SHH: variants seen among roughly 807,000 people sequenced by gnomAD.
The protein encoded by SHH is sonic hedgehog signaling molecule, also known as sonic hedgehog protein.
SHH carries 3 observed loss-of-function variants against 16.6 expected under a neutral mutation model. The ratio of observed to expected loss-of-function variants is 0.18; its 90% CI spans 0.08 to 0.47. SHH has a LOEUF of 0.47. SHH is among the 20% of genes least tolerant of loss of function. The pLI is 0.98. For synonymous variants in SHH, 351 were observed against 316.2 expected (o/e 1.11, Z -1.17); for missense variants, 499 against 665.0 (o/e 0.75, Z 2.75).
At chr7:155,805,159 G>A (rs890961008) in intron 2 of SHH, among the ~76,000 whole-genome samples, 1 of 151,586 alleles carries the variant, frequency 6.6e-6, no homozygotes, top group Non-Finnish European at 1.5e-5. Flanking sequence ...GGAGACCCCC[G>A]CTAGGGGGAC....
Position 155,803,038 on chromosome 7 carries a change from A to G in SHH, c.1251T>C (p.Ala417=), listed in dbSNP as rs1286430980. 1.9e-6 allele frequency: 3 copies of G among 1,557,684 alleles called. No individual in the cohort carries two copies. The highest frequency in any genetic ancestry group is 2.4e-5 in the South Asian group (2 of 83,620). Residue 417 remains alanine, a synonymous_variant, in exon 3 of 3, where the codon GCT becomes GCC. Coordinates refer to ENST00000297261, the MANE Select transcript of SHH (RefSeq NM_000193.4). ...GGGGGRVALT[A]PGAADAPGAG... is the part of the protein sequence containing the mutation. ...CACCCGGAGCGTCGGCAGCACCTGG[A>G]GCGGTTAGGGCTACTCTGCCGCCGC...
At chr7:155,805,558 T>A (rs1207133075) in intron 2 of SHH, among the ~76,000 whole-genome samples, 1 of 152,202 alleles carries the variant, frequency 6.6e-6, no homozygotes, top group Non-Finnish European at 1.5e-5. Flanking sequence ...GCACACAGCC[T>A]CGGGCCGGAG....
chr7:155,802,990 G>C lies in SHH; in HGVS notation c.1299C>G (p.His433Gln). 2 of 1,559,954 alleles carry C rather than the reference G, an allele frequency of 1.3e-6. No homozygotes were observed. The highest frequency in any genetic ancestry group is 8.7e-7 in the Non-Finnish European group (1 of 1,154,698). The change falls in exon 3 of 3, where the codon CAC (histidine) becomes CAG (glutamine). Residue 433 changes from histidine (H) to glutamine (Q), a missense_variant. Transcript: ENST00000297261. ...APGAGATAGI[H>Q]WYSQLLYQIG... The stretch of plus-strand genomic sequence containing the variant: ...TTTGGTAGAGCAGCTGCGAGTACCA[G>C]TGGATGCCCGCGGTGGCCCCCGCAC...
At chr7:155,805,963 G>T (rs897384617) in intron 2 of SHH, among the ~76,000 whole-genome samples, 2 of 152,238 alleles carry the variant, frequency 1.3e-5, no homozygotes, top group African/African-American at 4.8e-5. Flanking sequence ...GGCTAACCGC[G>T]CAGGGCTGTC....
Position 155,806,244 on chromosome 7 carries a change from G to A in SHH, c.562+52C>T, listed in dbSNP as rs1189108416. On this transcript the variant is annotated intron_variant, in intron 2 of 2. Coordinates refer to ENST00000297261, the MANE Select transcript of SHH (RefSeq NM_000193.4). ...TCTTTTTCTCTTGAATCAAGCCGAG[G>A]TGCGCCAATGGCCTTCCTTGGGTCG... 7.5e-6 allele frequency: 12 copies of A among 1,610,172 alleles called. No homozygotes were observed. In the Admixed American group the frequency reaches 1.5e-4, roughly 20 times the overall value.
In SHH at chr7:155,803,596, G is replaced by T. The variant is rs1221675530; in HGVS notation, c.693C>A (p.Gly231=). The T allele has an allele frequency of 2.5e-6, 4 of 1,598,484 alleles. No individual in the cohort carries two copies. The highest frequency in any genetic ancestry group is 3.4e-6 in the Non-Finnish European group (4 of 1,179,514). The part of the protein sequence containing the change: ...GDRVLAADDQ[G]RLLYSDFLTF... Reference sequence around the variant, plus strand: ...TGAGGAAGTCGCTGTAGAGCAGCCGGCCCTGGTCGTCCGCCGCCAGCACGC... The same window carrying T: ...TGAGGAAGTCGCTGTAGAGCAGCCGTCCCTGGTCGTCCGCCGCCAGCACGC... The change falls in exon 3 of 3, where the codon GGC becomes GGA. Residue 231 remains glycine, a synonymous_variant. Coordinates refer to ENST00000297261, the MANE Select transcript of SHH (RefSeq NM_000193.4).
intron 1 of SHH, among the ~76,000 whole-genome samples, chr7:155,811,197 G>A (rs1415000251): frequency 1.3e-5 from 2 of 152,242 alleles, no homozygotes; most frequent in Non-Finnish European, 2.9e-5. Context: ...CCAGCTCTGC[G>A]ATACAGCCAG....
In SHH at chr7:155,809,105, GC is replaced by G; in HGVS notation, c.301-2549del. The G allele has an allele frequency of 6.6e-6, 1 of 152,386 alleles. No individual in the cohort carries two copies. Among genetic ancestry groups the G allele is most frequent in the Non-Finnish European group, 1.5e-5 (1 of 68,198 alleles). The allele number at this position is 152,386 out of a possible 1,614,324, so 9.4% of individuals were successfully genotyped here. On this transcript the variant is annotated intron_variant, in intron 1 of 2. Coordinates refer to ENST00000297261, the MANE Select transcript of SHH (RefSeq NM_000193.4). The surrounding 1 kb of genome is among the most constrained non-coding windows in gnomAD (Gnocchi z 6.1). ...CCCTCTGGCCTCCTGCCCCTTAGGA[GC>G]CCCCTGGCCGCCAGCACCCTCGCCT... is the stretch of plus-strand genomic sequence containing the variant.
At chr7:155,805,953 G>A (rs1038577896) in intron 2 of SHH, among the ~76,000 whole-genome samples, 7 of 152,236 alleles carry the variant, frequency 4.6e-5, no homozygotes, top group African/African-American at 7.2e-5. Flanking sequence ...GCCCAGACCT[G>A]GCTAACCGCG....
intron 1 of SHH, chr7:155,806,874 A>G (rs1466368175): frequency 4.2e-6 from 2 of 472,188 alleles, no homozygotes; most frequent in East Asian, 8.6e-5. Context: ...GAAACAAGTG[A>G]CCTGCATGTT....
chr7:155,810,304 AC>A (rs1426676947), intron 1 of SHH, among the ~76,000 whole-genome samples: 2 of 150,646 alleles, frequency 1.3e-5, no homozygotes, highest in Non-Finnish European at 3.0e-5. Flanking sequence ...TGGCTCTGGG[AC>A]CTCGGGTATC....
In SHH at chr7:155,809,393, G is replaced by A. The variant is rs1175478152; in HGVS notation, c.300+2430C>T. 6.6e-6 allele frequency among the ~76,000 whole-genome samples: 1 copy of A among 152,014 alleles called. No individual in the cohort carries two copies. Among genetic ancestry groups the A allele is most frequent in the Non-Finnish European group, 1.5e-5 (1 of 67,974 alleles). ...GCCGAGCAGGCTCCCCAAACCTCCC[G>A]CCGGCCTGGGGCTCCCCTGCCGCCT... On this transcript the variant is annotated intron_variant, in intron 1 of 2. Coordinates refer to ENST00000297261, the MANE Select transcript of SHH (RefSeq NM_000193.4). This position sits in a 1 kb window ranked among gnomAD's most constrained non-coding sequence, Gnocchi z 6.1.
intron 2 of SHH, among the ~76,000 whole-genome samples, chr7:155,805,208 G>A (rs1335571296): frequency 6.6e-6 from 1 of 152,080 alleles, no homozygotes; most frequent in Non-Finnish European, 1.5e-5. Flanking sequence ...TTTGCGCAGG[G>A]GGCGCCCTGG....
intron 1 of SHH, 57 bp downstream of exon 1, chr7:155,811,766 G>A (rs1454055073): frequency 1.9e-6 from 3 of 1,542,316 alleles, no homozygotes; most frequent in Admixed American, 3.3e-5. Context: ...GAAGTGTTCG[G>A]CTTCTCGTAA....
Position 155,809,825 on chromosome 7 carries a change from G to A in SHH, c.300+1998C>T, listed in dbSNP as rs2117147623. On this transcript the variant is annotated intron_variant, in intron 1 of 2. Coordinates refer to ENST00000297261, the MANE Select transcript of SHH (RefSeq NM_000193.4). The surrounding 1 kb of genome is among the most constrained non-coding windows in gnomAD (Gnocchi z 6.1). Reference sequence around the variant, plus strand: ...GGGCCCTGCGTCCCCCGGCAGGGCGGACGGGGGTCGGGGGGAGGCCCCCGG... The same window carrying A: ...GGGCCCTGCGTCCCCCGGCAGGGCGAACGGGGGTCGGGGGGAGGCCCCCGG... Among the ~76,000 whole-genome samples, 1 of 151,926 alleles carries A rather than the reference G, an allele frequency of 6.6e-6. No homozygotes were observed. The highest frequency in any genetic ancestry group is 1.5e-5 in the Non-Finnish European group (1 of 67,906).
rs959936699 is a variant in SHH, at chr7:155,809,525, A to C, written c.300+2298T>G. Among the ~76,000 whole-genome samples, 2 of 151,824 alleles carry C rather than the reference A, an allele frequency of 1.3e-5. No homozygotes were observed. The highest frequency in any genetic ancestry group is 2.9e-5 in the Non-Finnish European group (2 of 67,922). The stretch of plus-strand genomic sequence containing the variant: ...GGAGAAGGAAGGTAGGGGAGGGATC[A>C]ACCGGGGATACCTCACAGACTGCCA... On this transcript the variant is annotated intron_variant, in intron 1 of 2. Coordinates refer to ENST00000297261, the MANE Select transcript of SHH (RefSeq NM_000193.4). This position sits in a 1 kb window ranked among gnomAD's most constrained non-coding sequence, Gnocchi z 6.1.
chr7:155,802,917 C>T lies in SHH; in HGVS notation c.1372G>A (p.Ala458Thr). 6.7e-6 allele frequency: 10 copies of T among 1,502,476 alleles called. No homozygotes were observed. The highest frequency in any genetic ancestry group is 8.9e-6 in the Non-Finnish European group (10 of 1,121,200). 93.1% of individuals were successfully genotyped at this position (1,502,476 alleles called of 1,614,324 possible). A position where few individuals can be genotyped will look rare whatever the true frequency, so the allele number is the denominator to read the frequency against. The change falls in exon 3 of 3, where the codon GCG becomes ACG. Residue 458 changes from alanine (A) to threonine (T), a missense_variant. Transcript: ENST00000297261. ...CCCCGGCTTCAGCTGGACTTGACCG[C>T]CATGCCCAGCGGGTGCAGGGCCTCG... ...DSEALHPLGMAVKSS is the reference protein window; with the variant it reads ...DSEALHPLGMTVKSS
Position 155,806,284 on chromosome 7 carries a change from G to T in SHH, c.562+12C>A, listed in dbSNP as rs372304589. ...TCCTTGGGTCGGATCCGGGGGGCCAGGGCCAGCTTACCTGCTTTCACCGAG... is the reference window on the plus strand; with the variant it reads ...TCCTTGGGTCGGATCCGGGGGGCCATGGCCAGCTTACCTGCTTTCACCGAG... On this transcript the variant is annotated intron_variant, in intron 2 of 2. Coordinates refer to ENST00000297261, the MANE Select transcript of SHH (RefSeq NM_000193.4). 21 of 1,612,968 alleles carry T rather than the reference G, an allele frequency of 1.3e-5. No homozygotes were observed. The highest frequency in any genetic ancestry group is 1.7e-5 in the Non-Finnish European group (20 of 1,180,028).
In SHH at chr7:155,802,892, C is replaced by CCCCCCCCCCCCA; in HGVS notation, c.*7_*8insTGGGGGGGGGGG. 1.5e-6 allele frequency: 2 copies of CCCCCCCCCCCCA among 1,368,046 alleles called. No homozygotes were observed. The highest frequency in any genetic ancestry group is 1.9e-6 in the Non-Finnish European group (2 of 1,051,444). The allele number at this position is 1,368,046 out of a possible 1,614,324, so 84.7% of individuals were successfully genotyped here. A position where few individuals can be genotyped will look rare whatever the true frequency, so the allele number is the denominator to read the frequency against. Reference sequence around the variant, plus strand: ...CCCCTCCCGCGCCCCTCCCCCGGCCCCCCGGCTTCAGCTGGACTTGACCGC... The same window carrying CCCCCCCCCCCCA: ...CCCCTCCCGCGCCCCTCCCCCGGCCCCCCCCCCCCCCACCCGGCTTCAGCTGGACTTGACCGC... On this transcript the variant is annotated 3_prime_UTR_variant, in exon 3 of 3. Transcript: ENST00000297261.
Sources: gnomAD v4.1 joint callset for allele counts (sites outside exome capture counted in the v4.1 genomes callset) on GRCh38, gnomAD v4.1.1 for gene constraint, Gnocchi (gnomAD v3.1) non-coding constraint, MANE v1.5 for transcripts, NCBI Gene and HGNC (gene_info 2026-07-23, HGNC 2026-07-21) for gene names.